Variants in KIZ observed in about 807,000 individuals in gnomAD.
KIZ encodes the protein centrosomal protein kizuna.
KIZ carries 68 observed loss-of-function variants against 79.6 expected under a neutral mutation model. The ratio of observed to expected loss-of-function variants is 0.85; its 90% CI spans 0.70 to 1.05. The LOEUF (loss-of-function observed/expected upper bound fraction) is 1.05. Among genes scored for constraint, KIZ ranks in the 50% least tolerant of loss-of-function variants. KIZ has a pLI of 0.00. For missense variants in KIZ, 797 were observed against 800.4 expected (o/e 1.00, Z 0.05); for synonymous variants, 280 against 281.8 (o/e 0.99, Z 0.06).
intron 1 of KIZ, among the ~76,000 whole-genome samples, chr20:21,129,809 A>G (rs1481425906): frequency 2.0e-5 from 3 of 152,108 alleles, no homozygotes; most frequent in Admixed American, 2.0e-4. Flanking sequence ...CGAATATAGG[A>G]CAAAGACCTC....
intron 2 of KIZ, among the ~76,000 whole-genome samples, chr20:21,134,363 C>G (rs925215341): frequency 8.5e-5 from 13 of 152,094 alleles, no homozygotes; most frequent in Non-Finnish European, 1.6e-4. Context: ...CCATCTGAGC[C>G]TCACCAGCTC....
intron 1 of KIZ, 85 bp downstream of exon 1, chr20:21,126,289 C>A (rs891870467): frequency 7.3e-6 from 7 of 956,766 alleles, no homozygotes; most frequent in Non-Finnish European, 1.0e-5. Context: ...CCCGCTCCCC[C>A]GTCCGAGGTT....
At chr20:21,200,680 C>T (rs2035558555) in intron 6 of KIZ, among the ~76,000 whole-genome samples, 1 of 152,088 alleles carries the variant, frequency 6.6e-6, no homozygotes, top group Admixed American at 6.5e-5. Context: ...AGCTAATGCT[C>T]CGCCCTCCTG....
chr20:21,171,537 C>T (rs1440941556), intron 6 of KIZ, among the ~76,000 whole-genome samples: 21 of 152,134 alleles, frequency 1.4e-4, no homozygotes, highest in African/African-American at 2.4e-5. Context: ...CTCGACCTCC[C>T]CAAGCTCAGG....
intron 2 of KIZ, among the ~76,000 whole-genome samples, chr20:21,134,303 T>C (rs1265553441): frequency 6.6e-6 from 1 of 152,138 alleles, no homozygotes; most frequent in Admixed American, 6.5e-5. Flanking sequence ...TGACGGGATG[T>C]TTTGTAATGT....
At chr20:21,217,700 A>G (rs2036350288) in intron 9 of KIZ, among the ~76,000 whole-genome samples, 2 of 152,144 alleles carry the variant, frequency 1.3e-5, no homozygotes, top group South Asian at 4.1e-4. Flanking sequence ...GGATTGTCTT[A>G]AAGTTTAAAT....
intron 9 of KIZ, among the ~76,000 whole-genome samples, chr20:21,225,324 A>C (rs1260265941): frequency 6.6e-6 from 1 of 152,228 alleles, no homozygotes; most frequent in East Asian, 1.9e-4. Flanking sequence ...AGAACATTCC[A>C]ACCGAAAATG....
intron 3 of KIZ, among the ~76,000 whole-genome samples, chr20:21,142,539 T>C (rs778272697): frequency 5.9e-5 from 9 of 152,128 alleles, no homozygotes; most frequent in Non-Finnish European, 1.3e-4. Context: ...CATTTCTGTT[T>C]AATAGCAGAG....
intron 4 of KIZ, chr20:21,151,295 TAGTC>T (rs1320230139): frequency 1.3e-5 from 2 of 152,190 alleles, no homozygotes; most frequent in African/African-American, 4.8e-5. Flanking sequence ...TACTCTCTCA[TAGTC>T]AAGAAGGAAA....
At chr20:21,203,876 T>C (rs1254258693) in intron 6 of KIZ, among the ~76,000 whole-genome samples, 1 of 152,168 alleles carries the variant, frequency 6.6e-6, no homozygotes, top group Non-Finnish European at 1.5e-5. Context: ...CTTTACTTTG[T>C]TGTACAACAG....
chr20:21,150,807 C>G (rs891886952), intron 4 of KIZ: 1 of 152,328 alleles, frequency 6.6e-6, no homozygotes, highest in Non-Finnish European at 1.5e-5. Flanking sequence ...CACCACCCCA[C>G]AGCACCCTGC....
rs77827695 is a variant in KIZ, at chr20:21,171,168, T to C, written c.1352+8009T>C. Among the ~76,000 whole-genome samples, 1,473 of 152,362 alleles carry C rather than the reference T, an allele frequency of 9.7e-3. 25 individuals are homozygous for C. Among genetic ancestry groups the C allele is most frequent in the African/African-American group, 0.034 (1,405 of 41,580 alleles). On this transcript the variant is annotated intron_variant, in intron 6 of 12. Coordinates refer to ENST00000619189, the MANE Select transcript of KIZ (RefSeq NM_018474.6). ...GGTATGCAATTGTTTTAATTTGCAG[T>C]TCTCTAATGACATATGATGTTGAAC...
At chr20:21,242,527 G>A (rs1175999525) in intron 11 of KIZ, among the ~76,000 whole-genome samples, 1 of 151,090 alleles carries the variant, frequency 6.6e-6, no homozygotes, top group Admixed American at 6.6e-5. Context: ...CAGGGAACTG[G>A]TGAGGACTGC....
At position 21,184,386 on chromosome 20, in the gene KIZ, G is replaced by A. The variant is rs373170345; in HGVS notation, c.1353-21105G>A. Among the ~76,000 whole-genome samples, 79 of 152,198 alleles carry A rather than the reference G, an allele frequency of 5.2e-4. 1 individual carries two copies. The South Asian group carries it at 0.016, about 30-fold the overall frequency. On this transcript the variant is annotated intron_variant, in intron 6 of 12. Coordinates refer to ENST00000619189, the MANE Select transcript of KIZ (RefSeq NM_018474.6). ...GGCTGGTCTCGAACTCCTGACCTCAGGCGATCCACCTGCTCGGCCTCCCAA... is the reference window on the plus strand; with the variant it reads ...GGCTGGTCTCGAACTCCTGACCTCAAGCGATCCACCTGCTCGGCCTCCCAA...
intron 9 of KIZ, among the ~76,000 whole-genome samples, chr20:21,216,118 C>G (rs1451468700): frequency 1.3e-5 from 2 of 152,124 alleles, no homozygotes; most frequent in African/African-American, 4.8e-5. Context: ...AAAAATTGTA[C>G]CAATCGGGCT....
chr20:21,189,734 A>G (rs1009769484), intron 6 of KIZ, among the ~76,000 whole-genome samples: 2 of 152,210 alleles, frequency 1.3e-5, no homozygotes, highest in African/African-American at 2.4e-5. Context: ...TGTCAGCTTC[A>G]TCACACTGTT....
intron 6 of KIZ, among the ~76,000 whole-genome samples, chr20:21,165,302 G>C (rs1291617894): frequency 6.6e-6 from 1 of 152,152 alleles, no homozygotes; most frequent in Non-Finnish European, 1.5e-5. Context: ...AGGAGGGAAA[G>C]AGCAAATAGG....
chr20:21,138,067 C>T (rs1320053418), intron 3 of KIZ, among the ~76,000 whole-genome samples: 4 of 96,084 alleles, frequency 4.2e-5, no homozygotes, highest in East Asian at 2.8e-4. Context: ...CCACTGCACC[C>T]AGACATAATA....
At position 21,214,709 on chromosome 20, in the gene KIZ, T is replaced by C; in HGVS notation, c.1612+9T>C. On this transcript the variant is annotated intron_variant, in intron 8 of 12. Transcript: ENST00000619189. ...TCCTACAAGGGAACAAGGTAACTAT[T>C]GTTAAAGTGTGTGTCCACAGCAAAA... is the stretch of plus-strand genomic sequence containing the variant. The C allele has an allele frequency of 6.3e-7, 1 of 1,599,546 alleles. No homozygotes were observed. Among genetic ancestry groups the C allele is most frequent in the African/African-American group, 1.3e-5 (1 of 74,784 alleles).
Sources: allele counts gnomAD v4.1 joint callset (sites outside exome capture counted in the v4.1 genomes callset), GRCh38; gene constraint gnomAD v4.1.1; transcripts MANE v1.5; gene names NCBI Gene and HGNC (gene_info 2026-07-23, HGNC 2026-07-21).